AGFG1: variants seen among roughly 807,000 people sequenced by gnomAD.
AGFG1 encodes ArfGAP with FG repeats 1, also known as arf-GAP domain and FG repeat-containing protein 1.
In AGFG1, 10 loss-of-function variants were observed where a neutral mutation model predicts 60.6. That is an observed-to-expected ratio of 0.16 (90% confidence interval 0.10 to 0.28). AGFG1 has a LOEUF of 0.28. Among genes scored for constraint, AGFG1 ranks in the 10% least tolerant of loss-of-function variants. The pLI is 1.00. For missense variants in AGFG1, 537 were observed against 676.5 expected (o/e 0.79, Z 2.29); for synonymous variants, 247 against 242.9 (o/e 1.02, Z -0.16).
chr2:227,551,837 C>T (rs963474844), intron 10 of AGFG1, 122 bp from the exon 11 acceptor site: 138 of 1,211,080 alleles, frequency 1.1e-4, no homozygotes, highest in Non-Finnish European at 1.3e-4. Context: ...TGGAATTAAC[C>T]CTGCCTTTAA....
chr2:227,521,867 T>G (rs1691836888), intron 3 of AGFG1, among the ~76,000 whole-genome samples: 1 of 152,234 alleles, frequency 6.6e-6, no homozygotes, highest in Non-Finnish European at 1.5e-5. Flanking sequence ...TATGTTATTT[T>G]TTTTCTTTCC....
intron 3 of AGFG1, among the ~76,000 whole-genome samples, chr2:227,523,012 G>T (rs922703618): frequency 2.0e-5 from 3 of 152,146 alleles, no homozygotes; most frequent in African/African-American, 7.2e-5. Flanking sequence ...TTGTTTCCCA[G>T]TTTTTGTGAA....
intron 10 of AGFG1, among the ~76,000 whole-genome samples, chr2:227,541,974 C>T (rs1429052149): frequency 6.6e-6 from 1 of 152,146 alleles, no homozygotes; most frequent in Non-Finnish European, 1.5e-5. Context: ...AATGGGAGTT[C>T]ACTCATGATT....
intron 10 of AGFG1, among the ~76,000 whole-genome samples, chr2:227,541,344 T>C (rs886636607): frequency 6.6e-6 from 1 of 152,244 alleles, no homozygotes; most frequent in African/African-American, 2.4e-5. Flanking sequence ...CACTTAAGTC[T>C]TTAATCCATC....
chr2:227,557,697 C>G lies in AGFG1; in HGVS notation c.*3202C>G, dbSNP rs1430074234. 6.6e-6 allele frequency: 1 copy of G among 152,052 alleles called. No homozygotes were observed. The highest frequency in any genetic ancestry group is 1.5e-5 in the Non-Finnish European group (1 of 67,984). The allele number at this position is 152,052 out of a possible 1,614,324, so 9.4% of individuals were successfully genotyped here. A position where few individuals can be genotyped will look rare whatever the true frequency, so the allele number is the denominator to read the frequency against. On this transcript the variant is annotated 3_prime_UTR_variant, in exon 13 of 13. Transcript: ENST00000310078. Reference sequence around the variant, plus strand: ...AAACAAAAACTAATGAGAACAGGAACATTGTTTTACATTTTATGCATTTAA... The same window carrying G: ...AAACAAAAACTAATGAGAACAGGAAGATTGTTTTACATTTTATGCATTTAA...
At chr2:227,532,800 T>C (rs1028021450) in intron 6 of AGFG1, among the ~76,000 whole-genome samples, 2 of 152,182 alleles carry the variant, frequency 1.3e-5, no homozygotes, top group African/African-American at 4.8e-5. Flanking sequence ...TTTAGTCTTT[T>C]GATAGTACTT....
In AGFG1 at chr2:227,507,169, G is replaced by GT. The variant is rs540069439; in HGVS notation, c.262-12777dup. 2.0e-4 allele frequency among the ~76,000 whole-genome samples: 31 copies of GT among 151,362 alleles called. 1 individual carries two copies. The South Asian group carries it at 3.1e-3, about 15-fold the overall frequency. On this transcript the variant is annotated intron_variant, in intron 2 of 12. Coordinates refer to ENST00000310078, the MANE Select transcript of AGFG1 (RefSeq NM_004504.5). ...GAGACCTTTTCAGAGGTTCTTTAAA[G>GT]TTAAAAAAAAAAATTTAATAATACT...
At chr2:227,512,440 CAAAGT>C (rs1365087529) in intron 2 of AGFG1, among the ~76,000 whole-genome samples, 1 of 152,088 alleles carries the variant, frequency 6.6e-6, no homozygotes, top group African/African-American at 2.4e-5. Flanking sequence ...GCAATACAGT[CAAAGT>C]AATGTAGGCT....
intron 2 of AGFG1, among the ~76,000 whole-genome samples, chr2:227,492,491 A>C (rs1690849288): frequency 6.6e-6 from 1 of 152,048 alleles, no homozygotes; most frequent in African/African-American, 2.4e-5. Flanking sequence ...AAATATTAAA[A>C]TTTTATTAGT....
rs1390735257 is a variant in AGFG1, at chr2:227,535,036, T to TTA, written c.1205+12_1205+13dup. On this transcript the variant is annotated intron_variant, in intron 8 of 12. Coordinates refer to ENST00000310078, the MANE Select transcript of AGFG1 (RefSeq NM_004504.5). Reference sequence around the variant, plus strand: ...AAGTAATGCTAGCAGGTACCTTGTCTTAGCTAGCCCTCCTGCTTTGTGTTT... The same window carrying TTA: ...AAGTAATGCTAGCAGGTACCTTGTCTTATAGCTAGCCCTCCTGCTTTGTGTTT... 1 of 1,580,736 alleles carries TTA rather than the reference T, an allele frequency of 6.3e-7. No individual in the cohort carries two copies. Among genetic ancestry groups the TTA allele is most frequent in the Admixed American group, 1.8e-5 (1 of 56,360 alleles).
At position 227,491,630 on chromosome 2, in the gene AGFG1, A is replaced by T; in HGVS notation, c.251A>T (p.His84Leu). Reference sequence around the variant, plus strand: ...CAGGAAATTGAATTCTTACAAAAACATGGAAATGAAGTAAGTGGTTTTTTT... The same window carrying T: ...CAGGAAATTGAATTCTTACAAAAACTTGGAAATGAAGTAAGTGGTTTTTTT... ...TQQEIEFLQKHGNEVCKQIWL... is the reference protein window; with the variant it reads ...TQQEIEFLQKLGNEVCKQIWL... Residue 84 changes from histidine to leucine, a missense_variant, in exon 2 of 13, where the codon CAT becomes CTT. This residue lies in a region of AGFG1 where 120 missense variants were observed against 198.5 expected (regional missense o/e 0.60). Transcript: ENST00000310078. 2.6e-6 allele frequency: 4 copies of T among 1,537,546 alleles called. No individual in the cohort carries two copies. Among genetic ancestry groups the T allele is most frequent in the Non-Finnish European group, 2.6e-6 (3 of 1,144,070 alleles).
chr2:227,504,047 C>T (rs1450856593), intron 2 of AGFG1, among the ~76,000 whole-genome samples: 1 of 151,818 alleles, frequency 6.6e-6, no homozygotes, highest in Non-Finnish European at 1.5e-5. Flanking sequence ...AATGTATTTA[C>T]TGTTTATTAA....
chr2:227,545,838 G>C (rs1270454636), intron 10 of AGFG1, among the ~76,000 whole-genome samples: 1 of 152,186 alleles, frequency 6.6e-6, no homozygotes, highest in Non-Finnish European at 1.5e-5. Flanking sequence ...GTTGCTGCCT[G>C]ATCCTTCCTC....
At chr2:227,479,087 C>T (rs1690380107) in intron 1 of AGFG1, among the ~76,000 whole-genome samples, 1 of 152,220 alleles carries the variant, frequency 6.6e-6, no homozygotes, top group South Asian at 2.1e-4. Context: ...GGCCTTCTAG[C>T]CATGAATGTT....
intron 2 of AGFG1, among the ~76,000 whole-genome samples, chr2:227,493,776 A>G (rs1246322451): frequency 6.6e-6 from 1 of 152,242 alleles, no homozygotes; most frequent in South Asian, 2.1e-4. Flanking sequence ...GGTGTGACAG[A>G]TACATAACAG....
At chr2:227,508,984 A>G (rs1046193997) in intron 2 of AGFG1, among the ~76,000 whole-genome samples, 2 of 152,196 alleles carry the variant, frequency 1.3e-5, no homozygotes, top group Non-Finnish European at 2.9e-5. Flanking sequence ...ACCTGACATG[A>G]TACACCAAAA....
intron 6 of AGFG1, 47 bp downstream of exon 6, chr2:227,531,257 A>G: frequency 6.3e-7 from 1 of 1,582,374 alleles, no homozygotes; most frequent in Non-Finnish European, 8.6e-7. Context: ...TTACAAAACA[A>G]AACTCTCTAA....
At chr2:227,533,284 T>TA (rs944896041) in intron 6 of AGFG1, among the ~76,000 whole-genome samples, 12 of 84,062 alleles carry the variant, frequency 1.4e-4, no homozygotes, top group Admixed American at 5.0e-4. Flanking sequence ...AGTGTGGAGA[T>TA]ACCCCTCCAT....
rs1692922036 is a variant in AGFG1 at position 227,554,709 on chromosome 2, G to A, written c.*214G>A. 1.1e-5 allele frequency: 5 copies of A among 438,370 alleles called. No homozygotes were observed. Among genetic ancestry groups the A allele is most frequent in the Non-Finnish European group, 2.0e-5 (5 of 246,294 alleles). The allele number at this position is 438,370 out of a possible 1,614,324, so 27.2% of individuals were successfully genotyped here. ...TGTGAATTGGCAGAAAAGGGTAGCG[G>A]TATCATGTATATTAAAATTGGCTAA... On this transcript the variant is annotated 3_prime_UTR_variant, in exon 13 of 13. Transcript: ENST00000310078.
Sources: gnomAD v4.1 joint callset for allele counts (sites outside exome capture counted in the v4.1 genomes callset) on GRCh38, gnomAD v4.1.1 for gene constraint, gnomAD v4.1.1 regional missense constraint, MANE v1.5 for transcripts, NCBI Gene and HGNC (gene_info 2026-07-23, HGNC 2026-07-21) for gene names.